The following CNBD1 variants were observed in gnomAD, a reference collection of about 807,000 sequenced individuals.
CNBD1 encodes the protein cyclic nucleotide binding domain containing 1, also known as cyclic nucleotide-binding domain-containing protein 1.
In CNBD1, 71 loss-of-function variants were observed where a neutral mutation model predicts 54.4. The observed-to-expected ratio is 1.30, with a 90% CI of 1.08 to 1.59. The LOEUF (loss-of-function observed/expected upper bound fraction) is 1.59, where lower values mean the gene tolerates loss of function less well. Among genes scored for constraint, CNBD1 ranks in the 40% most tolerant of loss-of-function variants. CNBD1 has a pLI of 0.00. For synonymous variants in CNBD1, 182 were observed against 170.7 expected (o/e 1.07, Z -0.51); for missense variants, 659 against 518.0 (o/e 1.27, Z -2.64).
intron 3 of CNBD1, among the ~76,000 whole-genome samples, chr8:86,910,656 A>G (rs1809087459): frequency 6.6e-6 from 1 of 152,220 alleles, no homozygotes; most frequent in African/African-American, 2.4e-5. Flanking sequence ...TAGATTTTTA[A>G]TCAATGTGTG....
intron 8 of CNBD1, among the ~76,000 whole-genome samples, chr8:87,308,954 A>T (rs1459033325): frequency 6.6e-6 from 1 of 152,186 alleles, no homozygotes; most frequent in African/African-American, 2.4e-5. Flanking sequence ...GTATTCTATT[A>T]TGTATGCATG....
At chr8:86,932,113 C>A (rs1419348013) in intron 3 of CNBD1, among the ~76,000 whole-genome samples, 1 of 152,146 alleles carries the variant, frequency 6.6e-6, no homozygotes, top group African/African-American at 2.4e-5. Context: ...AAGTCTCGGG[C>A]TGCAGCTAAA....
intron 1 of CNBD1, among the ~76,000 whole-genome samples, chr8:86,885,042 T>C (rs1001219353): frequency 5.3e-5 from 8 of 152,214 alleles, no homozygotes; most frequent in African/African-American, 1.7e-4. Flanking sequence ...TTACAGAATT[T>C]CTAAGCCTTC....
intron 6 of CNBD1, among the ~76,000 whole-genome samples, chr8:87,278,523 A>G (rs192771794): frequency 1.3e-5 from 2 of 151,772 alleles, no homozygotes; most frequent in East Asian, 3.9e-4. Flanking sequence ...AGCATTCAGG[A>G]AAAAAAGTAA....
Position 87,388,349 on chromosome 8 carries a change from A to G in CNBD1, c.213+34563A>G, listed in dbSNP as rs558803982. 1.7e-4 allele frequency among the ~76,000 whole-genome samples: 23 copies of G among 137,808 alleles called. No homozygotes were observed. In the South Asian group the frequency reaches 4.2e-3, roughly 25 times the overall value. The allele number at this position is 137,808 out of a possible 152,430, so 90.4% of individuals were successfully genotyped here. ...TTGAAAAGATCAACGAAATTGATAGACCGCTAGAAAGACTAATGAAGAAAA... is the reference window on the plus strand; with the variant it reads ...TTGAAAAGATCAACGAAATTGATAGGCCGCTAGAAAGACTAATGAAGAAAA... On this transcript the variant is annotated intron_variant, in intron 2 of 7. Coordinates refer to the CNBD1 transcript ENST00000521593.
chr8:87,365,317 C>A (rs1810621402), intron 10 of CNBD1, among the ~76,000 whole-genome samples: 1 of 151,828 alleles, frequency 6.6e-6, no homozygotes, highest in Middle Eastern at 3.4e-3. Context: ...AGTATCTGTT[C>A]ATGTCTTTTG....
chr8:87,188,909 TA>T (rs1437275677), intron 4 of CNBD1, among the ~76,000 whole-genome samples: 1 of 151,362 alleles, frequency 6.6e-6, no homozygotes, highest in Admixed American at 6.6e-5. Context: ...GTAGTTATTG[TA>T]AACTTTTGAG....
intron 9 of CNBD1, among the ~76,000 whole-genome samples, chr8:87,353,196 A>C (rs1810342958): frequency 6.6e-6 from 1 of 152,114 alleles, no homozygotes; most frequent in African/African-American, 2.4e-5. Context: ...TTTTTGACTT[A>C]ATACCATCGG....
intron 10 of CNBD1, among the ~76,000 whole-genome samples, chr8:87,366,356 G>T (rs78137069): frequency 0.015 from 2,255 of 151,994 alleles, 56 homozygotes; most frequent in African/African-American, 0.049. Flanking sequence ...CTGTTTTCTT[G>T]CGGTTTTTAC....
intron 4 of CNBD1, among the ~76,000 whole-genome samples, chr8:87,019,876 C>T (rs2130574622): frequency 6.6e-6 from 1 of 151,984 alleles, no homozygotes; most frequent in South Asian, 2.1e-4. Context: ...GAGACTCCAT[C>T]TCAAAAAAAG....
chr8:87,044,554 C>T (rs576016644), intron 4 of CNBD1: 6 of 152,262 alleles, frequency 3.9e-5, no homozygotes, highest in Admixed American at 3.3e-4. Context: ...CAGTGGAATG[C>T]CAACTTTTAT....
At chr8:87,376,470 C>A (rs955058830) in intron 10 of CNBD1, among the ~76,000 whole-genome samples, 2 of 151,868 alleles carry the variant, frequency 1.3e-5, no homozygotes, top group African/African-American at 4.8e-5. Flanking sequence ...AGGGATGTAA[C>A]CATTTAGCCC....
At chr8:87,371,208 G>T (rs190779842) in intron 10 of CNBD1, among the ~76,000 whole-genome samples, 7,919 of 151,890 alleles carry the variant, frequency 0.052, 287 homozygotes, top group Non-Finnish European at 0.076. Context: ...CTGGGCAATG[G>T]GGGCTCTTTT....
At chr8:87,419,157 G>C (rs1293206327) in intron 2 of CNBD1, among the ~76,000 whole-genome samples, 4 of 151,750 alleles carry the variant, frequency 2.6e-5, no homozygotes, top group Non-Finnish European at 5.9e-5. Flanking sequence ...ACAAACAATA[G>C]ATGAATCTTA....
chr8:87,233,927 A>G (rs780913016), intron 5 of CNBD1, among the ~76,000 whole-genome samples: 18 of 152,158 alleles, frequency 1.2e-4, no homozygotes, highest in Non-Finnish European at 2.2e-4. Context: ...AACCCTGCCA[A>G]CTGCTTTATC....
chr8:87,276,171 A>G (rs1585976984), intron 6 of CNBD1, among the ~76,000 whole-genome samples: 1 of 151,910 alleles, frequency 6.6e-6, no homozygotes, highest in African/African-American at 2.4e-5. Context: ...CATTGATATT[A>G]GTTGGCTTGC....
intron 1 of CNBD1, among the ~76,000 whole-genome samples, chr8:86,872,632 C>T (rs1057194889): frequency 1.3e-5 from 2 of 152,072 alleles, no homozygotes; most frequent in African/African-American, 4.8e-5. Context: ...TTAACAGGTA[C>T]GGAGTGGTAT....
intron 5 of CNBD1, among the ~76,000 whole-genome samples, chr8:87,225,478 T>A (rs1268132176): frequency 6.6e-6 from 1 of 150,764 alleles, no homozygotes; most frequent in African/African-American, 2.4e-5. Flanking sequence ...AAAGGCCTTT[T>A]CTGCATCTAT....
At chr8:86,988,143 GTTT>G (rs34699647) in intron 4 of CNBD1, among the ~76,000 whole-genome samples, 3,038 of 134,334 alleles carry the variant, frequency 0.023, 93 homozygotes, top group African/African-American at 0.075. Context: ...TGGTTGATAG[GTTT>G]TTTTTTTTTT....
Sources: allele counts gnomAD v4.1 joint callset (sites outside exome capture counted in the v4.1 genomes callset), GRCh38; gene constraint gnomAD v4.1.1; transcripts MANE v1.5; gene names NCBI Gene and HGNC (gene_info 2026-07-23, HGNC 2026-07-21).